The following COPG2 variants were observed in gnomAD, a reference collection of about 807,000 sequenced individuals.
COPG2 encodes coat protein complex I subunit gamma 2, also known as coatomer subunit gamma-2.
A neutral mutation model predicts 46.3 loss-of-function variants in COPG2; 37 were observed. That is an observed-to-expected ratio of 0.80 (90% CI 0.61 to 1.05). The LOEUF (loss-of-function observed/expected upper bound fraction) is 1.05, where lower values mean the gene tolerates loss of function less well. Among genes scored for constraint, COPG2 ranks in the 50% least tolerant of loss-of-function variants. The pLI is 0.00. For synonymous variants in COPG2, 159 were observed against 129.7 expected (o/e 1.23, Z -1.53); for missense variants, 427 against 387.8 (o/e 1.10, Z -0.85).
intron 11 of COPG2, among the ~76,000 whole-genome samples, chr7:130,562,250 T>C (rs1244965141): frequency 6.6e-6 from 1 of 152,074 alleles, no homozygotes; most frequent in African/African-American, 2.4e-5. Context: ...TCCCTGCTAT[T>C]TGGGAGGCTG....
At chr7:130,645,395 T>C (rs1178960819) in intron 5 of COPG2, 1 of 529,190 alleles carries the variant, frequency 1.9e-6, no homozygotes, top group South Asian at 1.5e-5. Flanking sequence ...ACCGACTCCA[T>C]GGGCTCCACC....
chr7:130,583,493 T>TAAAAAA (rs782593413), intron 9 of COPG2, among the ~76,000 whole-genome samples: 2 of 34,366 alleles, frequency 5.8e-5, no homozygotes, highest in African/African-American at 1.4e-4. Flanking sequence ...ACATAAAGTA[T>TAAAAAA]AAAAAAAAAA....
At chr7:130,649,231 C>T (rs1554458773) in intron 5 of COPG2, among the ~76,000 whole-genome samples, 1 of 152,190 alleles carries the variant, frequency 6.6e-6, no homozygotes, top group Non-Finnish European at 1.5e-5. Flanking sequence ...AAAGGTTGTG[C>T]AGTGACTCCT....
At chr7:130,579,841 A>G (rs1416472507) in intron 9 of COPG2, among the ~76,000 whole-genome samples, 9 of 152,206 alleles carry the variant, frequency 5.9e-5, no homozygotes, top group African/African-American at 2.2e-4. Flanking sequence ...CCAGATTCAT[A>G]AAGCAAGTCC....
At chr7:130,511,424 G>C (rs1231876577) in intron 20 of COPG2, 1 of 519,882 alleles carries the variant, frequency 1.9e-6, no homozygotes, top group Admixed American at 1.9e-5. Flanking sequence ...TGGGCAGTGA[G>C]TGCCAAAATA....
intron 4 of COPG2, among the ~76,000 whole-genome samples, chr7:130,654,363 C>T (rs1795807169): frequency 6.6e-6 from 1 of 152,154 alleles, no homozygotes; most frequent in African/African-American, 2.4e-5. Context: ...AATATAGTAT[C>T]TAACATCTAC....
Position 130,662,840 on chromosome 7 carries a change from T to C in COPG2, c.243+127A>G, listed in dbSNP as rs570308996. On this transcript the variant is annotated intron_variant, in intron 4 of 23. Transcript: ENST00000425248. ...ACGTCTTATAATGAATATTTATAAG[T>C]TTTATAAGCAGTTAAATAATTTAAA... The C allele has an allele frequency of 3.0e-5, 20 of 658,436 alleles. No individual in the cohort carries two copies. In the East Asian group the frequency reaches 5.6e-4, roughly 18 times the overall value. The allele number at this position is 658,436 out of a possible 1,614,324, so 40.8% of individuals were successfully genotyped here.
intron 5 of COPG2, among the ~76,000 whole-genome samples, chr7:130,626,970 C>T (rs1795131777): frequency 6.6e-6 from 1 of 152,142 alleles, no homozygotes; most frequent in East Asian, 1.9e-4. Flanking sequence ...GGCAAACCTC[C>T]ACCTCCCAGG....
At chr7:130,637,481 A>C (rs1333129519) in intron 5 of COPG2, among the ~76,000 whole-genome samples, 1 of 152,070 alleles carries the variant, frequency 6.6e-6, no homozygotes, top group African/African-American at 2.4e-5. Flanking sequence ...ATTTATCTTC[A>C]ATCTCCGATA....
At position 130,663,012 on chromosome 7, in the gene COPG2, A is replaced by G. The variant is rs1234838107; in HGVS notation, c.198T>C (p.Ala66=). The G allele has an allele frequency of 1.1e-5, 17 of 1,548,364 alleles. No individual in the cohort carries two copies. The highest frequency in any genetic ancestry group is 1.5e-5 in the Non-Finnish European group (17 of 1,149,004). Residue 66 remains alanine, a synonymous_variant, in exon 4 of 24, where the codon GCT becomes GCC. Transcript: ENST00000425248. ...NQGEHFGTTE[A]TEAFFAMTRL... ...GCGTCATTGCAAAGAAGGCTTCTGT[A>G]GCTTCCGTTGTTCCAAAGTGTTCAC...
chr7:130,553,717 C>T (rs1289438163), intron 14 of COPG2, among the ~76,000 whole-genome samples: 1 of 152,058 alleles, frequency 6.6e-6, no homozygotes, highest in Non-Finnish European at 1.5e-5. Context: ...GTTGAGAAGT[C>T]AAAATCTTAC....
At chr7:130,592,479 T>A (rs1554449166) in intron 9 of COPG2, among the ~76,000 whole-genome samples, 1 of 151,806 alleles carries the variant, frequency 6.6e-6, no homozygotes. Flanking sequence ...TAAACAATAT[T>A]ATAATAATAA....
chr7:130,565,848 T>C (rs1180365187), intron 9 of COPG2, among the ~76,000 whole-genome samples: 3 of 151,534 alleles, frequency 2.0e-5, no homozygotes, highest in Admixed American at 6.6e-5. Context: ...CACAGGCAGA[T>C]GAAAGAATAA....
chr7:130,511,440 T>C (rs1260870947), intron 20 of COPG2: 2 of 519,524 alleles, frequency 3.8e-6, no homozygotes, highest in South Asian at 2.8e-5. Context: ...AAATAAGCAA[T>C]ACACACCTAC....
intron 20 of COPG2, among the ~76,000 whole-genome samples, chr7:130,518,180 G>T (rs1799694312): frequency 6.6e-6 from 1 of 152,202 alleles, no homozygotes; most frequent in South Asian, 2.1e-4. Context: ...AGGGAGAGAG[G>T]TAAATGATTT....
intron 9 of COPG2, among the ~76,000 whole-genome samples, chr7:130,573,567 A>T (rs1438593395): frequency 1.3e-5 from 2 of 152,078 alleles, no homozygotes; most frequent in African/African-American, 4.8e-5. Context: ...TTACATTAAT[A>T]ATATAAAGGA....
chr7:130,597,560 G>A (rs1447705293), intron 9 of COPG2, among the ~76,000 whole-genome samples: 1 of 151,988 alleles, frequency 6.6e-6, no homozygotes, highest in African/African-American at 2.4e-5. Flanking sequence ...GGCCATGTCT[G>A]TGCCTAACAG....
chr7:130,615,493 C>G (rs781844863), intron 6 of COPG2, among the ~76,000 whole-genome samples: 1 of 152,284 alleles, frequency 6.6e-6, no homozygotes, highest in East Asian at 1.9e-4. Flanking sequence ...GCCACCCCAA[C>G]AAGTTTTTTG....
At chr7:130,537,155 T>G (rs1051767601) in intron 20 of COPG2, among the ~76,000 whole-genome samples, 3 of 151,848 alleles carry the variant, frequency 2.0e-5, no homozygotes, top group Admixed American at 2.0e-4. Context: ...ACTACTCTGG[T>G]GACAGGAAGA....
Sources: allele counts gnomAD v4.1 joint callset (sites outside exome capture counted in the v4.1 genomes callset), GRCh38; gene constraint gnomAD v4.1.1; transcripts MANE v1.5; gene names NCBI Gene and HGNC (gene_info 2026-07-23, HGNC 2026-07-21).